Variants in ESRRG observed in about 807,000 individuals in gnomAD.
The protein encoded by ESRRG is estrogen-related receptor gamma.
ESRRG carries 13 observed loss-of-function variants against 44.0 expected under a neutral mutation model. That is an observed-to-expected ratio of 0.30 (90% CI 0.19 to 0.47). ESRRG has a LOEUF of 0.47. Ranked by LOEUF, ESRRG falls within the 20% of genes least tolerant of loss-of-function variation. ESRRG has a pLI of 1.00. For synonymous variants in ESRRG, 215 were observed against 214.6 expected (o/e 1.00, Z -0.02); for missense variants, 395 against 580.6 (o/e 0.68, Z 3.29).
At chr1:216,650,125 ACT>A (rs1423705035) in intron 3 of ESRRG, among the ~76,000 whole-genome samples, 3 of 152,192 alleles carry the variant, frequency 2.0e-5, no homozygotes, top group African/African-American at 7.2e-5. Context: ...TTTATTTCAA[ACT>A]CTGGTGAATT....
intron 1 of ESRRG, among the ~76,000 whole-genome samples, chr1:217,032,962 G>C (rs1441200453): frequency 6.6e-6 from 1 of 152,166 alleles, no homozygotes; most frequent in Non-Finnish European, 1.5e-5. Flanking sequence ...CTTCGGCACA[G>C]ACCGTCCCCT....
intron 2 of ESRRG, among the ~76,000 whole-genome samples, chr1:216,774,798 C>CTTTTTTT (rs58598227): frequency 9.0e-6 from 1 of 110,814 alleles, no homozygotes. Flanking sequence ...ATAATTTCTT[C>CTTTTTTT]TTTTTTTTTT....
intron 5 of ESRRG, among the ~76,000 whole-genome samples, chr1:216,548,752 C>T (rs566705827): frequency 3.9e-5 from 6 of 152,132 alleles, no homozygotes; most frequent in South Asian, 4.1e-4. Flanking sequence ...CTTGCTCGTC[C>T]GTATTCCCCA....
At chr1:216,912,183 A>AAGAAAAGAAAAGAAGAGGAG (rs1560083326) in intron 2 of ESRRG, among the ~76,000 whole-genome samples, 2 of 21,156 alleles carry the variant, frequency 9.5e-5, no homozygotes, top group Non-Finnish European at 1.6e-4. Context: ...AAGAAAAGAA[A>AAGAAAAGAAAAGAAGAGGAG]AGGAGAGGAG....
chr1:217,117,815 T>C (rs2092752191), intron 1 of ESRRG, among the ~76,000 whole-genome samples: 1 of 152,136 alleles, frequency 6.6e-6, no homozygotes, highest in Non-Finnish European at 1.5e-5. Context: ...GGAATATTTT[T>C]CGATACTGTC....
At chr1:216,977,363 C>CAT (rs1379812018) in intron 1 of ESRRG, among the ~76,000 whole-genome samples, 1 of 151,720 alleles carries the variant, frequency 6.6e-6, no homozygotes, top group Non-Finnish European at 1.5e-5. Flanking sequence ...CACACACACA[C>CAT]ACACACACAT....
At chr1:217,020,590 C>T (rs1341704530) in intron 1 of ESRRG, among the ~76,000 whole-genome samples, 2 of 152,068 alleles carry the variant, frequency 1.3e-5, no homozygotes, top group East Asian at 1.9e-4. Flanking sequence ...GATGAAAGCA[C>T]AATTACAGAG....
At chr1:216,644,500 C>T (rs2067118648) in intron 3 of ESRRG, among the ~76,000 whole-genome samples, 2 of 150,148 alleles carry the variant, frequency 1.3e-5, no homozygotes, top group African/African-American at 4.9e-5. Context: ...ACGATCTCCA[C>T]TCATTGCAAC....
chr1:216,730,727 G>C (rs1468908152), intron 2 of ESRRG, among the ~76,000 whole-genome samples: 1 of 152,142 alleles, frequency 6.6e-6, no homozygotes, highest in African/African-American at 2.4e-5. Flanking sequence ...CAGGTAACTA[G>C]AGTAATATGG....
chr1:216,520,540 C>G lies in ESRRG; in HGVS notation c.863-1119G>C, dbSNP rs918206939. ...GGAGTGAAGATATATATTTATATAT[C>G]AGAGGGACTAGATCTGTATTCTAAA... On this transcript the variant is annotated intron_variant, in intron 5 of 6. Coordinates refer to ENST00000408911, the MANE Select transcript of ESRRG (RefSeq NM_001438.4). Among the ~76,000 whole-genome samples, 8 of 152,078 alleles carry G rather than the reference C, an allele frequency of 5.3e-5. 1 individual carries two copies.
At chr1:216,814,571 A>G (rs1324487624) in intron 2 of ESRRG, among the ~76,000 whole-genome samples, 3 of 152,342 alleles carry the variant, frequency 2.0e-5, no homozygotes, top group East Asian at 1.9e-4. Context: ...CCAGCCTTAT[A>G]AATGTTTTTT....
At chr1:217,019,510 G>C (rs1004143569) in intron 1 of ESRRG, among the ~76,000 whole-genome samples, 2 of 152,180 alleles carry the variant, frequency 1.3e-5, no homozygotes, top group Non-Finnish European at 2.9e-5. Flanking sequence ...AAAATGCTTA[G>C]AGTGTGCAAG....
At chr1:216,711,419 T>C (rs2083580562) in intron 1 of ESRRG, among the ~76,000 whole-genome samples, 1 of 152,158 alleles carries the variant, frequency 6.6e-6, no homozygotes, top group Non-Finnish European at 1.5e-5. Flanking sequence ...AAGCACTAAC[T>C]AGCATATTAA....
intron 1 of ESRRG, among the ~76,000 whole-genome samples, chr1:217,135,977 A>G (rs1261731874): frequency 6.7e-6 from 1 of 149,086 alleles, no homozygotes; most frequent in Non-Finnish European, 1.5e-5. Context: ...TTGTGAGGGG[A>G]TAGATTGGGA....
chr1:216,930,243 C>A (rs890236041), intron 2 of ESRRG, among the ~76,000 whole-genome samples: 2 of 152,160 alleles, frequency 1.3e-5, no homozygotes, highest in Middle Eastern at 3.2e-3. Context: ...TCTTCTATAT[C>A]CATATTGCTT....
At chr1:217,100,340 T>C (rs936535017) in intron 1 of ESRRG, among the ~76,000 whole-genome samples, 1 of 152,198 alleles carries the variant, frequency 6.6e-6, no homozygotes, top group African/African-American at 2.4e-5. Flanking sequence ...CACTCTATAA[T>C]AGGTCAGGGC....
chr1:216,506,234 T>A lies in ESRRG; in HGVS notation c.*705A>T, dbSNP rs1296281266. 1.9e-5 allele frequency: 3 copies of A among 160,024 alleles called. No individual in the cohort carries two copies. The highest frequency in any genetic ancestry group is 4.1e-5 in the Non-Finnish European group (3 of 72,578). 9.9% of individuals were successfully genotyped at this position (160,024 alleles called of 1,614,324 possible). On this transcript the variant is annotated 3_prime_UTR_variant, in exon 7 of 7. Coordinates refer to ENST00000408911, the MANE Select transcript of ESRRG (RefSeq NM_001438.4). Reference sequence around the variant, plus strand: ...AATCTAATACTGCACTCAGTCAATTTGTATATGTTGCACTGTACTTTTAGG... The same window carrying A: ...AATCTAATACTGCACTCAGTCAATTAGTATATGTTGCACTGTACTTTTAGG...
At chr1:217,002,315 GAAAGAAAGAAAAAAAAA>G (rs2077140037) in intron 1 of ESRRG, among the ~76,000 whole-genome samples, 1 of 73,124 alleles carries the variant, frequency 1.4e-5, no homozygotes, top group South Asian at 4.1e-4. Context: ...AAAAAAAAAA[GAAAGAAAGAAAAAAAAA>G]AAAGAAAGAA....
chr1:216,568,445 C>T (rs2060078293), intron 3 of ESRRG, among the ~76,000 whole-genome samples: 1 of 152,156 alleles, frequency 6.6e-6, no homozygotes, highest in African/African-American at 2.4e-5. Context: ...CATTTAGCAT[C>T]CTTTTCATCA....
Sources: gnomAD v4.1 joint callset for allele counts (sites outside exome capture counted in the v4.1 genomes callset) on GRCh38, gnomAD v4.1.1 for gene constraint, MANE v1.5 for transcripts, NCBI Gene and HGNC (gene_info 2026-07-23, HGNC 2026-07-21) for gene names.